Variants in EVA1C observed in about 807,000 individuals in gnomAD.
EVA1C encodes eva-1 homolog C.
EVA1C carries 25 observed loss-of-function variants against 45.4 expected under a neutral mutation model. The observed-to-expected ratio is 0.55, with a 90% confidence interval of 0.40 to 0.77. The LOEUF is 0.77. Ranked by LOEUF, EVA1C falls within the 30% of genes least tolerant of loss-of-function variation. EVA1C has a pLI of 0.00. For synonymous variants in EVA1C, 190 were observed against 221.2 expected (o/e 0.86, Z 1.25); for missense variants, 479 against 554.8 (o/e 0.86, Z 1.37).
intron 1 of EVA1C, among the ~76,000 whole-genome samples, chr21:32,415,522 G>T (rs536527502): frequency 3.3e-5 from 5 of 152,116 alleles, no homozygotes; most frequent in Non-Finnish European, 5.9e-5. Flanking sequence ...TCTCTTCTTT[G>T]CGGCTCTTCC....
chr21:32,435,566 C>T (rs2034911632), intron 1 of EVA1C, among the ~76,000 whole-genome samples: 2 of 152,212 alleles, frequency 1.3e-5, no homozygotes, highest in East Asian at 3.8e-4. Flanking sequence ...CTAGATTTCC[C>T]AGCCAACGGT....
chr21:32,481,707 A>C (rs564891627), intron 4 of EVA1C, among the ~76,000 whole-genome samples: 1 of 152,214 alleles, frequency 6.6e-6, no homozygotes, highest in Non-Finnish European at 1.5e-5. Flanking sequence ...TTAAAGAAAG[A>C]TCATTCGATA....
chr21:32,426,958 T>C (rs1167457628), intron 1 of EVA1C, among the ~76,000 whole-genome samples: 3 of 152,176 alleles, frequency 2.0e-5, no homozygotes, highest in African/African-American at 7.2e-5. Flanking sequence ...TTAAGAGCTT[T>C]GTCCCAAAAA....
chr21:32,456,225 C>T (rs969756682), intron 2 of EVA1C, among the ~76,000 whole-genome samples: 4 of 152,298 alleles, frequency 2.6e-5, no homozygotes, highest in Admixed American at 2.0e-4. Context: ...ACTCGGAGCA[C>T]AGGCAAGGTG....
chr21:32,449,750 T>C (rs146486984), intron 1 of EVA1C, among the ~76,000 whole-genome samples: 23 of 151,798 alleles, frequency 1.5e-4, no homozygotes, highest in Non-Finnish European at 2.9e-4. Flanking sequence ...GCCTCCAGAG[T>C]AGCTGGGATT....
intron 4 of EVA1C, among the ~76,000 whole-genome samples, chr21:32,489,669 G>A (rs1240673212): frequency 6.6e-6 from 1 of 152,172 alleles, no homozygotes; most frequent in East Asian, 1.9e-4. Flanking sequence ...ATTGCATTGA[G>A]CCTGTAGATC....
intron 1 of EVA1C, among the ~76,000 whole-genome samples, chr21:32,416,321 CTTTTTTTTT>C (rs909665670): frequency 7.4e-6 from 1 of 134,292 alleles, no homozygotes. Flanking sequence ...TTTTCTTTTT[CTTTTTTTTT>C]TTTTTTTTTT....
intron 1 of EVA1C, among the ~76,000 whole-genome samples, chr21:32,451,479 G>C (rs9284455): frequency 0.22 from 33,131 of 152,092 alleles, 3,756 homozygotes; most frequent in Admixed American, 0.3. Context: ...GCCCAGGGCT[G>C]AGTGTGGCTC....
intron 1 of EVA1C, among the ~76,000 whole-genome samples, chr21:32,437,147 G>A (rs1323781155): frequency 2.7e-5 from 4 of 150,534 alleles, no homozygotes; most frequent in African/African-American, 7.4e-5. Context: ...GCGACAGAGC[G>A]AGACTCTTTC....
intron 4 of EVA1C, among the ~76,000 whole-genome samples, chr21:32,493,144 GTTATA>G (rs1226607584): frequency 1.3e-5 from 2 of 152,162 alleles, no homozygotes; most frequent in South Asian, 2.1e-4. Context: ...CATGCTACCT[GTTATA>G]TTATAAGTGA....
chr21:32,475,674 G>T (rs141122974), intron 4 of EVA1C, among the ~76,000 whole-genome samples: 1 of 151,868 alleles, frequency 6.6e-6, no homozygotes, highest in East Asian at 1.9e-4. Flanking sequence ...AATAATTTAC[G>T]TAACTGTTCC....
At chr21:32,473,696 T>C (rs2036458955) in intron 4 of EVA1C, among the ~76,000 whole-genome samples, 1 of 152,214 alleles carries the variant, frequency 6.6e-6, no homozygotes, top group Non-Finnish European at 1.5e-5. Context: ...TTGTATTTAT[T>C]TATTTCAAAA....
At chr21:32,449,684 C>T (rs1420932992) in intron 1 of EVA1C, among the ~76,000 whole-genome samples, 4 of 151,414 alleles carry the variant, frequency 2.6e-5, no homozygotes, top group Non-Finnish European at 2.9e-5. Context: ...TGCAGTGGCA[C>T]GATCTCGGCT....
At chr21:32,481,186 C>G (rs964524113) in intron 4 of EVA1C, among the ~76,000 whole-genome samples, 12 of 152,014 alleles carry the variant, frequency 7.9e-5, no homozygotes, top group Admixed American at 4.6e-4. Flanking sequence ...AACGATACTA[C>G]TTATGTTTGG....
Position 32,412,807 on chromosome 21 carries a change from C to A in EVA1C, c.-47C>A. ...TGACGCCGTCCTTAGCCCTGCGACC[C>A]CCAGCGCGTCCCGGGCCTGCGCCTC... On this transcript the variant is annotated 5_prime_UTR_variant, in exon 1 of 8. Transcript: ENST00000300255. 1.5e-6 allele frequency: 2 copies of A among 1,343,192 alleles called. No individual in the cohort carries two copies. The highest frequency in any genetic ancestry group is 1.9e-6 in the Non-Finnish European group (2 of 1,054,628). The allele number at this position is 1,343,192 out of a possible 1,614,324, so 83.2% of individuals were successfully genotyped here. A position where few individuals can be genotyped will look rare whatever the true frequency, so the allele number is the denominator to read the frequency against.
chr21:32,504,946 G>A (rs1252916768), intron 7 of EVA1C, among the ~76,000 whole-genome samples: 3 of 151,060 alleles, frequency 2.0e-5, no homozygotes, highest in Non-Finnish European at 4.4e-5. Flanking sequence ...GGTGAATGAG[G>A]AGCAAAGTCA....
intron 6 of EVA1C, among the ~76,000 whole-genome samples, chr21:32,503,420 C>T (rs548165285): frequency 6.6e-6 from 1 of 152,262 alleles, no homozygotes; most frequent in South Asian, 2.1e-4. Context: ...GTGGCACGTG[C>T]CTGTAATCCC....
intron 7 of EVA1C, among the ~76,000 whole-genome samples, chr21:32,509,781 G>A (rs976723736): frequency 1.3e-5 from 2 of 151,670 alleles, no homozygotes; most frequent in Non-Finnish European, 2.9e-5. Context: ...AAGGCAGGGG[G>A]AGGTATCTAG....
In EVA1C at chr21:32,474,952, G is replaced by A. The variant is rs2036502163; in HGVS notation, c.634+7104G>A. ...AGTGCATGTGTGATCTCTGCTCTGT[G>A]CTCCCATTTACTACTGCAGCTCAGC... On this transcript the variant is annotated intron_variant, in intron 4 of 7. Transcript: ENST00000300255. This position sits in a 1 kb window ranked among gnomAD's most constrained non-coding sequence, Gnocchi z 4.4. Among the ~76,000 whole-genome samples the A allele has an allele frequency of 6.6e-6, 1 of 152,206 alleles. No individual in the cohort carries two copies. Among genetic ancestry groups the A allele is most frequent in the Non-Finnish European group, 1.5e-5 (1 of 68,040 alleles).
Sources: gnomAD v4.1 joint callset for allele counts (sites outside exome capture counted in the v4.1 genomes callset) on GRCh38, gnomAD v4.1.1 for gene constraint, Gnocchi (gnomAD v3.1) non-coding constraint, MANE v1.5 for transcripts, NCBI Gene and HGNC (gene_info 2026-07-23, HGNC 2026-07-21) for gene names.